The following FMNL2 variants were observed in gnomAD, a reference collection of about 807,000 sequenced individuals.
The protein encoded by FMNL2 is formin-like protein 2.
In FMNL2, 51 loss-of-function variants were observed where a neutral mutation model predicts 130.2. The ratio of observed to expected loss-of-function variants is 0.39; its 90% CI spans 0.31 to 0.49. The LOEUF (loss-of-function observed/expected upper bound fraction) is 0.49. Ranked by LOEUF, FMNL2 falls within the 20% of genes least tolerant of loss-of-function variation. FMNL2 has a pLI of 0.85. For synonymous variants in FMNL2, 465 were observed against 467.1 expected, an observed-to-expected ratio of 1.00 and a Z score of 0.06; for missense variants, 977 against 1,316.2, an observed-to-expected ratio of 0.74 and a Z score of 3.99.
intron 9 of FMNL2, among the ~76,000 whole-genome samples, chr2:152,593,369 C>T (rs1241315218): frequency 6.6e-6 from 1 of 152,122 alleles, no homozygotes; most frequent in Non-Finnish European, 1.5e-5. Context: ...ATATATATTG[C>T]ATTTGATTCT....
chr2:152,347,747 T>A (rs1181127561), intron 1 of FMNL2, among the ~76,000 whole-genome samples: 2 of 152,194 alleles, frequency 1.3e-5, no homozygotes, highest in Non-Finnish European at 2.9e-5. Context: ...ACAGCCCTAT[T>A]GTGTTATTCC....
intron 1 of FMNL2, among the ~76,000 whole-genome samples, chr2:152,511,755 G>C (rs995707220): frequency 2.0e-5 from 3 of 152,146 alleles, no homozygotes; most frequent in African/African-American, 7.2e-5. Context: ...GGGAATTACA[G>C]ATATGTTGCT....
At chr2:152,503,054 TC>T (rs1425232026) in intron 1 of FMNL2, among the ~76,000 whole-genome samples, 3 of 152,160 alleles carry the variant, frequency 2.0e-5, no homozygotes, top group Non-Finnish European at 4.4e-5. Context: ...CTCAGGTGCT[TC>T]TGTATCAGGA....
chr2:152,539,155 G>C (rs977963603), intron 2 of FMNL2: 4 of 152,120 alleles, frequency 2.6e-5, no homozygotes, highest in African/African-American at 9.7e-5. Flanking sequence ...GCACTGTGTA[G>C]AAATGTTATT....
rs1681364846 is a variant in FMNL2, at chr2:152,335,660, G to C, written c.57G>C (p.Val19=). The change falls in exon 1 of 26, where the codon GTG becomes GTC. Residue 19 remains valine, a synonymous_variant. Coordinates refer to ENST00000288670, the MANE Select transcript of FMNL2 (RefSeq NM_052905.4). The stretch of plus-strand genomic sequence containing the variant: ...AGACCGATTTCAGGGCGCACAACGT[G>C]CCTTTGAAGCTGCCGATGCCAGAGC... ...SQQTDFRAHN[V]PLKLPMPEPG... is the part of the protein sequence containing the mutation. 3.1e-6 allele frequency: 5 copies of C among 1,594,106 alleles called. No individual in the cohort carries two copies. The highest frequency in any genetic ancestry group is 3.4e-6 in the Non-Finnish European group (4 of 1,170,234).
chr2:152,607,433 A>G lies in FMNL2; in HGVS notation c.951+20A>G, dbSNP rs373664102. 63 of 1,581,996 alleles carry G rather than the reference A, an allele frequency of 4.0e-5. No individual in the cohort carries two copies. Among genetic ancestry groups the G allele is most frequent in the Non-Finnish European group, 5.3e-5 (61 of 1,154,522 alleles). ...TTTATGGTGAGTTATTTCAGTATTC[A>G]ATAAAGCAAACTCAGTTTCAATACT... On this transcript the variant is annotated intron_variant, in intron 10 of 25. Transcript: ENST00000288670.
chr2:152,346,753 T>G (rs1682145528), intron 1 of FMNL2, among the ~76,000 whole-genome samples: 1 of 152,168 alleles, frequency 6.6e-6, no homozygotes, highest in Non-Finnish European at 1.5e-5. Flanking sequence ...TTTTTTAGAA[T>G]GATATTACCT....
chr2:152,486,078 C>T (rs190516531), intron 1 of FMNL2, among the ~76,000 whole-genome samples: 315 of 152,186 alleles, frequency 2.1e-3, no homozygotes, highest in Admixed American at 3.5e-3. Flanking sequence ...TAGATAGCAA[C>T]GGATCATGCT....
rs371489959 is a variant in FMNL2 at position 152,485,011 on chromosome 2, A to C, written c.118-36932A>C. ...CACCAGTGGTAGAAGAATAGATGGC[A>C]TTTGATGCTTGTTATTTTATACTTT... On this transcript the variant is annotated intron_variant, in intron 1 of 25. Coordinates refer to ENST00000288670, the MANE Select transcript of FMNL2 (RefSeq NM_052905.4). Among the ~76,000 whole-genome samples, 4 of 152,308 alleles carry C rather than the reference A, an allele frequency of 2.6e-5. No homozygotes were observed. The South Asian group carries it at 8.3e-4, about 32-fold the overall frequency.
In FMNL2 at chr2:152,626,694, A is replaced by C; in HGVS notation, c.2132A>C (p.Lys711Thr). The change falls in exon 17 of 26, where the codon AAG (lysine) becomes ACG (threonine). Residue 711 changes from lysine (K) to threonine (T), a missense_variant. Lys to Thr is a moderately conservative substitution (Grantham distance 78). Coordinates refer to ENST00000288670, the MANE Select transcript of FMNL2 (RefSeq NM_052905.4). The stretch of plus-strand genomic sequence containing the variant: ...GCCATAACTTTAAGGAAAGCTGGAA[A>C]GACTGCTGATGAAATATGTAAAGCT... The part of the protein sequence containing the change: ...NLAITLRKAG[K>T]TADEICKAIH... 6.2e-7 allele frequency: 1 copy of C among 1,612,476 alleles called. No homozygotes were observed. The highest frequency in any genetic ancestry group is 8.5e-7 in the Non-Finnish European group (1 of 1,179,288).
intron 1 of FMNL2, among the ~76,000 whole-genome samples, chr2:152,513,949 G>A (rs749839079): frequency 6.6e-6 from 1 of 152,184 alleles, no homozygotes; most frequent in Non-Finnish European, 1.5e-5. Flanking sequence ...GATTTTAGCA[G>A]CATCCTCTAG....
intron 1 of FMNL2, among the ~76,000 whole-genome samples, chr2:152,483,695 T>A (rs1331858713): frequency 6.6e-6 from 1 of 152,236 alleles, no homozygotes; most frequent in East Asian, 1.9e-4. Flanking sequence ...CATTACTGTG[T>A]CCACGCTCTC....
chr2:152,628,174 G>A (rs765893087), intron 17 of FMNL2, 125 bp from the exon 18 acceptor site: 51 of 792,780 alleles, frequency 6.4e-5, no homozygotes, highest in Non-Finnish European at 9.3e-5. Flanking sequence ...TAGACTCGTT[G>A]ATTTGGTGTT....
intron 1 of FMNL2, among the ~76,000 whole-genome samples, chr2:152,489,124 C>T (rs1401267436): frequency 6.6e-6 from 1 of 152,200 alleles, no homozygotes; most frequent in African/African-American, 2.4e-5. Context: ...CAGCATCCAT[C>T]CTCCTGCTTC....
intron 1 of FMNL2, among the ~76,000 whole-genome samples, chr2:152,425,732 G>A (rs1687166524): frequency 1.3e-5 from 2 of 152,138 alleles, no homozygotes; most frequent in African/African-American, 4.8e-5. Flanking sequence ...AGTATGTCTT[G>A]TCTATAACAT....
intron 1 of FMNL2, among the ~76,000 whole-genome samples, chr2:152,481,009 A>G (rs1335395045): frequency 6.6e-6 from 1 of 152,228 alleles, no homozygotes; most frequent in Non-Finnish European, 1.5e-5. Flanking sequence ...ATGTCTGTAT[A>G]TATACACAAG....
chr2:152,568,218 G>GTTTTTGTTTTTTTTTTT (rs1695962603), intron 6 of FMNL2, among the ~76,000 whole-genome samples: 1 of 34,860 alleles, frequency 2.9e-5, no homozygotes, highest in African/African-American at 8.4e-5. Flanking sequence ...ATTTTGGTGG[G>GTTTTTGTTTTTTTTTTT]TTTTTTTTTT....
intron 1 of FMNL2, among the ~76,000 whole-genome samples, chr2:152,450,806 T>C (rs1191459693): frequency 6.6e-6 from 1 of 152,218 alleles, no homozygotes; most frequent in Non-Finnish European, 1.5e-5. Flanking sequence ...CTCTTACCTG[T>C]CCACTCGTTC....
chr2:152,632,505 G>C (rs1682245366), intron 21 of FMNL2, among the ~76,000 whole-genome samples: 1 of 152,130 alleles, frequency 6.6e-6, no homozygotes. Flanking sequence ...ACTTGCTCAA[G>C]TGTGGCAGTT....
Sources: gnomAD v4.1 joint callset for allele counts (sites outside exome capture counted in the v4.1 genomes callset) on GRCh38, gnomAD v4.1.1 for gene constraint, MANE v1.5 for transcripts, NCBI Gene and HGNC (gene_info 2026-07-23, HGNC 2026-07-21) for gene names.